The following PCSK2 variants were observed in gnomAD, a reference collection of about 807,000 sequenced individuals.
PCSK2 encodes neuroendocrine convertase 2.
Under a neutral mutation model 69.7 loss-of-function variants are expected in PCSK2, and 14 were observed. The observed-to-expected ratio is 0.20, with a 90% confidence interval of 0.13 to 0.31. The LOEUF is 0.31. PCSK2 is among the 10% of genes least tolerant of loss of function. The pLI is 1.00. For synonymous variants in PCSK2, 307 were observed against 320.7 expected, an observed-to-expected ratio of 0.96 and a Z score of 0.46; for missense variants, 544 against 842.5, an observed-to-expected ratio of 0.65 and a Z score of 4.39.
intron 2 of PCSK2, among the ~76,000 whole-genome samples, chr20:17,292,195 A>G (rs1988720961): frequency 6.6e-6 from 1 of 152,138 alleles, no homozygotes; most frequent in Non-Finnish European, 1.5e-5. Flanking sequence ...AATCAAATAC[A>G]TATTACCTGC....
At chr20:17,419,982 G>A (rs1234322885) in intron 6 of PCSK2, among the ~76,000 whole-genome samples, 1 of 152,192 alleles carries the variant, frequency 6.6e-6, no homozygotes, top group Admixed American at 6.5e-5. Flanking sequence ...AATTCAGGAA[G>A]AGAGAAGACA....
chr20:17,296,949 A>G (rs1364176979), intron 2 of PCSK2, among the ~76,000 whole-genome samples: 1 of 152,224 alleles, frequency 6.6e-6, no homozygotes, highest in African/African-American at 2.4e-5. Context: ...CAGCATATCT[A>G]GAGAGTAAGC....
At chr20:17,456,207 C>A in intron 9 of PCSK2, 141 bp from the exon 10 acceptor site, 1 of 604,586 alleles carries the variant, frequency 1.7e-6, no homozygotes. Flanking sequence ...TGCCACTGCA[C>A]TCCAGCCTGG....
intron 10 of PCSK2, among the ~76,000 whole-genome samples, chr20:17,456,744 T>C (rs571036807): frequency 6.6e-6 from 1 of 152,330 alleles, no homozygotes; most frequent in East Asian, 1.9e-4. Context: ...GAGATATTTC[T>C]TTCTTCATCA....
intron 2 of PCSK2, among the ~76,000 whole-genome samples, chr20:17,271,501 G>A (rs868323458): frequency 6.6e-6 from 1 of 152,074 alleles, no homozygotes; most frequent in Non-Finnish European, 1.5e-5. Flanking sequence ...CACAGGCCAT[G>A]CAAATAAATT....
At chr20:17,270,782 C>A (rs1236332998) in intron 2 of PCSK2, among the ~76,000 whole-genome samples, 1 of 152,090 alleles carries the variant, frequency 6.6e-6, no homozygotes, top group East Asian at 1.9e-4. Flanking sequence ...TGGAAAGAGA[C>A]CCAAATAATT....
At chr20:17,450,133 A>T (rs2032794694) in intron 8 of PCSK2, among the ~76,000 whole-genome samples, 1 of 137,924 alleles carries the variant, frequency 7.3e-6, no homozygotes, top group South Asian at 2.3e-4. Flanking sequence ...GGTTCACGCC[A>T]TTCTCTTGCC....
At chr20:17,425,948 C>A (rs1019638453) in intron 6 of PCSK2, among the ~76,000 whole-genome samples, 5 of 152,096 alleles carry the variant, frequency 3.3e-5, no homozygotes, top group African/African-American at 7.2e-5. Flanking sequence ...AGGATGGGAG[C>A]CTTACTGCAG....
rs558311887 is a variant in PCSK2, at chr20:17,339,997, C to T, written c.283-18330C>T. On this transcript the variant is annotated intron_variant, in intron 2 of 11. Coordinates refer to ENST00000262545, the MANE Select transcript of PCSK2 (RefSeq NM_002594.5). ...CAACCCACCCCTGCCTGTTATGTGA[C>T]GCATTCCCCCTCTCAGGCCTAAGTT... Among the ~76,000 whole-genome samples the T allele has an allele frequency of 6.4e-4, 97 of 152,298 alleles. 1 individual carries two copies. Among genetic ancestry groups the T allele is most frequent in the Admixed American group, 4.2e-3 (64 of 15,298 alleles).
intron 2 of PCSK2, among the ~76,000 whole-genome samples, chr20:17,347,486 T>G (rs1568611800): frequency 6.6e-6 from 1 of 152,116 alleles, no homozygotes; most frequent in Non-Finnish European, 1.5e-5. Context: ...TTTGGGGGTT[T>G]CTCGCTTGAT....
chr20:17,424,557 G>C (rs564680092), intron 6 of PCSK2, among the ~76,000 whole-genome samples: 1 of 149,936 alleles, frequency 6.7e-6, no homozygotes, highest in Non-Finnish European at 1.5e-5. Context: ...CAGTGGCTCC[G>C]TCTCGGCTCA....
intron 5 of PCSK2, among the ~76,000 whole-genome samples, chr20:17,404,218 C>A (rs928064019): frequency 6.6e-5 from 10 of 152,214 alleles, no homozygotes; most frequent in Non-Finnish European, 1.5e-4. Context: ...ATTACAGAAT[C>A]CATTTTCACA....
intron 1 of PCSK2, among the ~76,000 whole-genome samples, chr20:17,258,021 C>T (rs1987242034): frequency 6.6e-6 from 1 of 152,188 alleles, no homozygotes; most frequent in South Asian, 2.1e-4. Context: ...ACTTTTCCAA[C>T]TGAGCAAACC....
chr20:17,347,880 GAA>G (rs1568612253), intron 2 of PCSK2, among the ~76,000 whole-genome samples: 25 of 2,298 alleles, frequency 0.011, no homozygotes, highest in African/African-American at 0.016. Context: ...AAAAAAGAAA[GAA>G]AGAAAGAAAG....
chr20:17,348,087 GAAAGAAAGAAAGAAAGA>G (rs1990746088), intron 2 of PCSK2, among the ~76,000 whole-genome samples: 5 of 141,398 alleles, frequency 3.5e-5, no homozygotes, highest in African/African-American at 1.0e-4. Flanking sequence ...AAGAAAGAAA[GAAAGAAAGAAAGAAAGA>G]AAAGAAAAGA....
chr20:17,227,605 A>T (rs985587518), intron 1 of PCSK2, 123 bp downstream of exon 1: 3 of 701,674 alleles, frequency 4.3e-6, no homozygotes, highest in African/African-American at 3.6e-5. Context: ...ATATTCTGCC[A>T]TGGGCTCTTT....
chr20:17,381,423 A>C, intron 5 of PCSK2, among the ~76,000 whole-genome samples: 1 of 152,188 alleles, frequency 6.6e-6, no homozygotes, highest in Non-Finnish European at 1.5e-5. Flanking sequence ...GAGATGGATT[A>C]TGTTTTATAA....
intron 1 of PCSK2, among the ~76,000 whole-genome samples, chr20:17,239,499 AG>A (rs1273352868): frequency 2.0e-5 from 3 of 152,148 alleles, no homozygotes; most frequent in African/African-American, 7.2e-5. Flanking sequence ...GTCTTAAATG[AG>A]GTTTGTCATT....
intron 5 of PCSK2, among the ~76,000 whole-genome samples, chr20:17,383,880 A>G (rs2031157198): frequency 6.6e-6 from 1 of 152,232 alleles, no homozygotes; most frequent in Non-Finnish European, 1.5e-5. Context: ...AACAATGCTT[A>G]TAATTATAAT....
Sources: allele counts gnomAD v4.1 joint callset (sites outside exome capture counted in the v4.1 genomes callset), GRCh38; gene constraint gnomAD v4.1.1; transcripts MANE v1.5; gene names NCBI Gene and HGNC (gene_info 2026-07-23, HGNC 2026-07-21).